SPATA21: variants seen among roughly 807,000 people sequenced by gnomAD.
The protein encoded by SPATA21 is spermatogenesis associated 21, also known as spermatogenesis-associated protein 21.
In SPATA21, 47 loss-of-function variants were observed where a neutral mutation model predicts 54.8. That is an observed-to-expected ratio of 0.86 (90% CI 0.68 to 1.09). SPATA21 has a LOEUF of 1.09. Among genes scored for constraint, SPATA21 ranks in the 50% least tolerant of loss-of-function variants. SPATA21 has a pLI of 0.00. For missense variants in SPATA21, 599 were observed against 596.4 expected (o/e 1.00, Z -0.05); for synonymous variants, 245 against 235.3 (o/e 1.04, Z -0.38).
chr1:16,424,937 A>G (rs1350458995), intron 3 of SPATA21: 1 of 274,482 alleles, frequency 3.6e-6, no homozygotes, highest in Non-Finnish European at 7.1e-6. Flanking sequence ...TATTTTTTTG[A>G]GACGGAGTTT....
chr1:16,426,582 T>G lies in SPATA21; in HGVS notation c.35-4611A>C, dbSNP rs867465483. Among the ~76,000 whole-genome samples the G allele has an allele frequency of 1.8e-3, 220 of 123,272 alleles. 3 individuals carry two copies. The highest frequency in any genetic ancestry group is 4.9e-3 in the African/African-American group (146 of 30,016). The allele number at this position is 123,272 out of a possible 152,430, so 80.9% of individuals were successfully genotyped here. On this transcript the variant is annotated intron_variant, in intron 3 of 12. Transcript: ENST00000335496. ...CTATATATATATATATATATATATT[T>G]TTTTTTTTTTTTTTTGAGACAGAAT... is the stretch of plus-strand genomic sequence containing the variant.
chr1:16,409,919 A>G lies in SPATA21; in HGVS notation c.269T>C (p.Leu90Pro). Residue 90 changes from leucine (L) to proline (P), a missense_variant, in exon 6 of 13, where the codon CTG (leucine) becomes CCG (proline). Coordinates refer to ENST00000335496, the MANE Select transcript of SPATA21 (RefSeq NM_198546.1). This position sits in a 1 kb window ranked among gnomAD's most constrained non-coding sequence, Gnocchi z 4.1. ...NFRQGFMKCL[L>P]EVEKMEASHR... ...GGAGGCCTCCATTTTCTCCACCTCCAGCAAGCACTTCATGAAGCCCTGCCG... is the reference window on the plus strand; with the variant it reads ...GGAGGCCTCCATTTTCTCCACCTCCGGCAAGCACTTCATGAAGCCCTGCCG... 6.2e-7 allele frequency: 1 copy of G among 1,613,920 alleles called. No individual in the cohort carries two copies. The highest frequency in any genetic ancestry group is 1.1e-5 in the South Asian group (1 of 91,072).
At chr1:16,404,503 A>G (rs2085564410) in intron 8 of SPATA21, among the ~76,000 whole-genome samples, 1 of 152,056 alleles carries the variant, frequency 6.6e-6, no homozygotes, top group African/African-American at 2.4e-5. Flanking sequence ...CAAAAAAAGG[A>G]AAAAAAGAAA....
Position 16,409,252 on chromosome 1 carries a change from T to A in SPATA21, c.588-49A>T. The A allele has an allele frequency of 6.2e-7, 1 of 1,604,046 alleles. No individual in the cohort carries two copies. The highest frequency in any genetic ancestry group is 8.5e-7 in the Non-Finnish European group (1 of 1,172,526). ...CAGGGCAACATCCGGCCGCCCACCCTGCTGATAGCTAGGGGAGGGGTTGGG... is the reference window on the plus strand; with the variant it reads ...CAGGGCAACATCCGGCCGCCCACCCAGCTGATAGCTAGGGGAGGGGTTGGG... On this transcript the variant is annotated intron_variant, in intron 6 of 12. Transcript: ENST00000335496. The surrounding 1 kb of genome is among the most constrained non-coding windows in gnomAD (Gnocchi z 4.1).
At chr1:16,425,071 A>G (rs1251529622) in intron 3 of SPATA21, 1 of 358,224 alleles carries the variant, frequency 2.8e-6, no homozygotes, top group East Asian at 8.5e-5. Flanking sequence ...GGCATGTGCC[A>G]CCACACCCGG....
chr1:16,415,078 T>C (rs2100836032), intron 5 of SPATA21, among the ~76,000 whole-genome samples: 1 of 152,266 alleles, frequency 6.6e-6, no homozygotes, highest in Non-Finnish European at 1.5e-5. Context: ...GGCTCATGCC[T>C]GTAATCCTAA....
chr1:16,421,992 G>C lies in SPATA21; in HGVS notation c.35-21C>G, dbSNP rs141537595. The C allele has an allele frequency of 9.0e-3, 14,561 of 1,614,186 alleles. 116 individuals are homozygous for C. The highest frequency in any genetic ancestry group is 9.8e-3 in the Non-Finnish European group (11,512 of 1,180,034). On this transcript the variant is annotated intron_variant, in intron 3 of 12. Coordinates refer to ENST00000335496, the MANE Select transcript of SPATA21 (RefSeq NM_198546.1). This position sits in a 1 kb window ranked among gnomAD's most constrained non-coding sequence, Gnocchi z 5.2. ...TTCCTCTGGAGCCACGACGGACATT[G>C]GGGGCATTGCTTCCTGAGAGCTGTC... is the stretch of plus-strand genomic sequence containing the variant.
chr1:16,434,785 T>G (rs2086545907), intron 1 of SPATA21, among the ~76,000 whole-genome samples: 1 of 152,222 alleles, frequency 6.6e-6, no homozygotes, highest in Non-Finnish European at 1.5e-5. Context: ...CATTTTACCT[T>G]CTTACCAGCA....
At chr1:16,434,953 G>A (rs746249695) in intron 1 of SPATA21, among the ~76,000 whole-genome samples, 48 of 152,176 alleles carry the variant, frequency 3.2e-4, no homozygotes, top group Non-Finnish European at 6.8e-4. Context: ...CAACTCTGGG[G>A]TTCAAGGGAT....
intron 3 of SPATA21, among the ~76,000 whole-genome samples, chr1:16,423,597 G>T (rs182637962): frequency 2.4e-4 from 32 of 131,332 alleles, no homozygotes; most frequent in Non-Finnish European, 3.7e-4. Context: ...AGGCTGGAGT[G>T]CACTGGCATG....
intron 1 of SPATA21, among the ~76,000 whole-genome samples, chr1:16,435,473 C>T (rs1213075882): frequency 6.6e-6 from 1 of 151,978 alleles, no homozygotes; most frequent in Non-Finnish European, 1.5e-5. Flanking sequence ...TGTGCCACCA[C>T]ACCAGACTAA....
chr1:16,429,150 T>A (rs2086393584), intron 3 of SPATA21, among the ~76,000 whole-genome samples: 1 of 152,076 alleles, frequency 6.6e-6, no homozygotes, highest in African/African-American at 2.4e-5. Flanking sequence ...ACTTTTTATT[T>A]TTTTTTTTGG....
intron 3 of SPATA21, chr1:16,431,120 T>C (rs902064764): frequency 1.9e-5 from 22 of 1,129,616 alleles, no homozygotes; most frequent in Non-Finnish European, 2.4e-5. Context: ...CAGTTTGAAT[T>C]GGGTTTTGTG....
At chr1:16,419,271 G>C (rs571414895) in intron 5 of SPATA21, among the ~76,000 whole-genome samples, 1 of 152,320 alleles carries the variant, frequency 6.6e-6, no homozygotes, top group African/African-American at 2.4e-5. Flanking sequence ...ACTAGGCTTA[G>C]CATATCCAAG....
chr1:16,435,876 C>T (rs2086574105), intron 1 of SPATA21, among the ~76,000 whole-genome samples: 1 of 152,134 alleles, frequency 6.6e-6, no homozygotes, highest in Non-Finnish European at 1.5e-5. Flanking sequence ...TATATATGAT[C>T]TGCAAAAATT....
At position 16,421,992 on chromosome 1, in the gene SPATA21, G is replaced by A. The variant is rs141537595; in HGVS notation, c.35-21C>T. 2 of 1,614,070 alleles carry A rather than the reference G, an allele frequency of 1.2e-6. No individual in the cohort carries two copies. The highest frequency in any genetic ancestry group is 1.7e-6 in the Non-Finnish European group (2 of 1,180,042). ...TTCCTCTGGAGCCACGACGGACATT[G>A]GGGGCATTGCTTCCTGAGAGCTGTC... On this transcript the variant is annotated intron_variant, in intron 3 of 12. Coordinates refer to ENST00000335496, the MANE Select transcript of SPATA21 (RefSeq NM_198546.1). This position sits in a 1 kb window ranked among gnomAD's most constrained non-coding sequence, Gnocchi z 5.2.
intron 11 of SPATA21, chr1:16,400,444 A>C (rs1570078506): frequency 4.3e-6 from 5 of 1,156,998 alleles, no homozygotes; most frequent in Non-Finnish European, 5.3e-6. Context: ...GCTAATCTCT[A>C]CAGCTGTTCT....
At chr1:16,403,489 T>C (rs796717072) in intron 10 of SPATA21, among the ~76,000 whole-genome samples, 52 of 121,354 alleles carry the variant, frequency 4.3e-4, no homozygotes, top group East Asian at 2.7e-3. Context: ...TTTTCTTTTT[T>C]TTCTTTTTTT....
chr1:16,403,683 T>C (rs775778645), intron 10 of SPATA21, 44 bp downstream of exon 10: 1 of 1,544,660 alleles, frequency 6.5e-7, no homozygotes, highest in South Asian at 1.1e-5. Context: ...AGATGCCACC[T>C]CTGTGTCCAC....
Sources: allele counts gnomAD v4.1 joint callset (sites outside exome capture counted in the v4.1 genomes callset), GRCh38; gene constraint gnomAD v4.1.1; non-coding constraint Gnocchi (gnomAD v3.1); transcripts MANE v1.5; gene names NCBI Gene and HGNC (gene_info 2026-07-23, HGNC 2026-07-21).